ERAP1: variants seen among roughly 807,000 people sequenced by gnomAD.
The protein encoded by ERAP1 is endoplasmic reticulum aminopeptidase 1, also known as adipocyte-derived leucine aminopeptidase.
In ERAP1, 86 loss-of-function variants were observed where a neutral mutation model predicts 103.7. The observed-to-expected ratio is 0.83, with a 90% CI of 0.70 to 0.99. The LOEUF (loss-of-function observed/expected upper bound fraction) is 0.99. ERAP1 is among the 50% of genes least tolerant of loss of function. ERAP1 has a pLI of 0.00. For missense variants in ERAP1, 1,009 were observed against 1,128.4 expected, an observed-to-expected ratio of 0.89 and a Z score of 1.52; for synonymous variants, 398 against 402.4, an observed-to-expected ratio of 0.99 and a Z score of 0.13.
Position 96,803,460 on chromosome 5 carries a change from G to A in ERAP1, c.467C>T (p.Ser156Leu), listed in dbSNP as rs201066303. 64 of 1,613,068 alleles carry A rather than the reference G, an allele frequency of 4.0e-5. No homozygotes were observed. Among genetic ancestry groups the A allele is most frequent in the South Asian group, 2.9e-4 (26 of 90,768 alleles). The change falls in exon 2 of 19, where the codon TCG becomes TTG. Residue 156 changes from serine (S) to leucine (L), a missense_variant. By Grantham distance (145) the Ser-to-Leu change is moderately radical. Coordinates refer to ENST00000443439, the MANE Select transcript of ERAP1 (RefSeq NM_001040458.3). ...TVVIHYAGNL[S>L]ETFHGFYKST... is the part of the protein sequence containing the mutation. ...TTTGTAAAATCCGTGGAAAGTCTCC[G>A]AAAGATTGCCAGCATAGTGAATGAC...
chr5:96,882,634 GT>G, the ERAP1 span, among the ~76,000 whole-genome samples: 1 of 152,070 alleles, frequency 6.6e-6, no homozygotes, highest in East Asian at 1.9e-4. Context: ...AGGTTTTTTT[GT>G]TTTTTCAATG....
upstream of ERAP1, among the ~76,000 whole-genome samples, chr5:96,811,359 T>C (rs1373018467): frequency 6.6e-6 from 1 of 152,218 alleles, no homozygotes; most frequent in Non-Finnish European, 1.5e-5. Flanking sequence ...GTCTATCTCA[T>C]GGGATCCTCA....
chr5:96,766,467 A>T (rs999942526), intron 19 of ERAP1, among the ~76,000 whole-genome samples: 13 of 152,224 alleles, frequency 8.5e-5, no homozygotes, highest in African/African-American at 3.1e-4. Context: ...ATAGGATTTC[A>T]AAGGAAGCAA....
chr5:96,791,337 T>A (rs1284261765), intron 8 of ERAP1, among the ~76,000 whole-genome samples: 1 of 152,232 alleles, frequency 6.6e-6, no homozygotes, highest in African/African-American at 2.4e-5. Flanking sequence ...TACATTCTTT[T>A]TCCCCTGGAC....
At chr5:96,917,667 G>T in the ERAP1 span, 1 of 1,410,604 alleles carries the variant, frequency 7.1e-7, no homozygotes, top group African/African-American at 1.5e-5. Flanking sequence ...AGCACTTTGG[G>T]AGGCTGAGAA....
At chr5:96,931,322 A>G in the ERAP1 span, among the ~76,000 whole-genome samples, 1 of 152,030 alleles carries the variant, frequency 6.6e-6, no homozygotes, top group Admixed American at 6.5e-5. Flanking sequence ...ACGCTTAGCT[A>G]ATTTTTCAAT....
At chr5:96,792,003 C>G (rs1280581522) in intron 8 of ERAP1, 58 bp downstream of exon 8, 3 of 1,594,948 alleles carry the variant, frequency 1.9e-6, no homozygotes, top group Admixed American at 3.3e-5. Flanking sequence ...AACTTCTCCA[C>G]CCCAGTATGT....
At chr5:96,851,988 A>G in the ERAP1 span, among the ~76,000 whole-genome samples, 4 of 152,206 alleles carry the variant, frequency 2.6e-5, no homozygotes, top group South Asian at 2.1e-4. Context: ...TGAGAAGAGC[A>G]GCAAAGAAAC....
the ERAP1 span, among the ~76,000 whole-genome samples, chr5:96,849,611 A>G: frequency 0.29 from 44,531 of 152,114 alleles, 6,588 homozygotes; most frequent in East Asian, 0.33. Flanking sequence ...ATTAAAGAGG[A>G]CACAAATAAA....
At chr5:96,767,922 C>A in intron 19 of ERAP1, 2 of 1,612,898 alleles carry the variant, frequency 1.2e-6, no homozygotes, top group South Asian at 2.2e-5. Flanking sequence ...TGCAGATGAC[C>A]AAGACCCCAT....
At chr5:96,924,290 A>G in the ERAP1 span, among the ~76,000 whole-genome samples, 3 of 152,198 alleles carry the variant, frequency 2.0e-5, no homozygotes, top group African/African-American at 7.2e-5. Flanking sequence ...CCCTCCATAA[A>G]TGGTGCTGAC....
chr5:96,906,989 T>C, the ERAP1 span, among the ~76,000 whole-genome samples: 2 of 152,096 alleles, frequency 1.3e-5, no homozygotes, highest in Non-Finnish European at 2.9e-5. Context: ...GATTGTGCCA[T>C]TGCACTCCAG....
the ERAP1 span, chr5:96,915,769 G>A: frequency 6.3e-6 from 10 of 1,595,152 alleles, no homozygotes; most frequent in Non-Finnish European, 8.5e-6. Flanking sequence ...AGTTGCAAGA[G>A]GTTTGTGACT....
chr5:96,802,356 G>A (rs1350273664), intron 2 of ERAP1, among the ~76,000 whole-genome samples: 3 of 151,754 alleles, frequency 2.0e-5, no homozygotes, highest in Non-Finnish European at 4.4e-5. Context: ...AAATTTCCTT[G>A]TAAAAGAGAA....
chr5:96,887,959 T>C, the ERAP1 span, among the ~76,000 whole-genome samples: 218 of 152,002 alleles, frequency 1.4e-3, 1 homozygote, highest in Admixed American at 8.5e-3. Context: ...AACCCCTCTC[T>C]ACTAAAAATA....
the ERAP1 span, among the ~76,000 whole-genome samples, chr5:96,882,180 T>C: frequency 6.6e-6 from 1 of 152,210 alleles, no homozygotes; most frequent in Admixed American, 6.5e-5. Flanking sequence ...CAGTATTGGA[T>C]AGGAAAAGTG....
At chr5:96,905,927 A>AT in the ERAP1 span, among the ~76,000 whole-genome samples, 11 of 143,866 alleles carry the variant, frequency 7.6e-5, no homozygotes, top group African/African-American at 1.5e-4. Context: ...TGGAGAGATA[A>AT]TTTTTTTTTC....
upstream of ERAP1, among the ~76,000 whole-genome samples, chr5:96,808,408 G>A (rs1272794878): frequency 1.3e-5 from 2 of 151,982 alleles, no homozygotes; most frequent in East Asian, 3.9e-4. Flanking sequence ...CGCGTTCGAC[G>A]CCCATTGGAC....
chr5:96,908,101 G>C, the ERAP1 span, among the ~76,000 whole-genome samples: 1 of 152,168 alleles, frequency 6.6e-6, no homozygotes, highest in Non-Finnish European at 1.5e-5. Flanking sequence ...TTTAAAACAT[G>C]TATAAGCCCA....
Sources: gnomAD v4.1 joint callset for allele counts (sites outside exome capture counted in the v4.1 genomes callset) on GRCh38, gnomAD v4.1.1 for gene constraint, MANE v1.5 for transcripts, NCBI Gene and HGNC (gene_info 2026-07-23, HGNC 2026-07-21) for gene names.